The following SSBP2 variants were observed in gnomAD, a reference collection of about 807,000 sequenced individuals.
The protein encoded by SSBP2 is single stranded DNA binding protein 2.
A neutral mutation model predicts 61.8 loss-of-function variants in SSBP2; 17 were observed. The ratio of observed to expected loss-of-function variants is 0.28; its 90% CI spans 0.19 to 0.41. SSBP2 has a LOEUF of 0.41. Ranked by LOEUF, SSBP2 falls within the 10% of genes least tolerant of loss-of-function variation. The probability of loss-of-function intolerance (pLI) is 1.00; values close to 1 mark genes in which losing one functional copy is unlikely to be tolerated. For missense variants in SSBP2, 310 were observed against 458.7 expected, an observed-to-expected ratio of 0.68 and a Z score of 2.96; for synonymous variants, 139 against 141.3, an observed-to-expected ratio of 0.98 and a Z score of 0.12.
intron 1 of SSBP2, among the ~76,000 whole-genome samples, chr5:81,728,073 T>C (rs1756010255): frequency 6.6e-6 from 1 of 152,122 alleles, no homozygotes; most frequent in African/African-American, 2.4e-5. Context: ...AAAGGGAAAA[T>C]AGCAAGAGAT....
At chr5:81,638,093 G>A (rs1045283588) in intron 2 of SSBP2, among the ~76,000 whole-genome samples, 11 of 141,278 alleles carry the variant, frequency 7.8e-5, no homozygotes, top group African/African-American at 2.9e-4. Flanking sequence ...TCACACTCTG[G>A]GGACTGTTGT....
rs576423890 is a variant in SSBP2 at position 81,599,082 on chromosome 5, C to T, written c.282+16391G>A. Among the ~76,000 whole-genome samples, 38 of 152,238 alleles carry T rather than the reference C, an allele frequency of 2.5e-4. No homozygotes were observed. The South Asian group carries it at 5.0e-3, about 20-fold the overall frequency. Reference sequence around the variant, plus strand: ...TCTTAAATCATCTAAGGGCCCTGAACCCCACAGCAGAATTGGCATTTGGGG... The same window carrying T: ...TCTTAAATCATCTAAGGGCCCTGAATCCCACAGCAGAATTGGCATTTGGGG... On this transcript the variant is annotated intron_variant, in intron 4 of 16. Transcript: ENST00000320672.
chr5:81,454,214 C>A (rs1394203960), intron 10 of SSBP2, among the ~76,000 whole-genome samples: 1 of 152,116 alleles, frequency 6.6e-6, no homozygotes, highest in Non-Finnish European at 1.5e-5. Flanking sequence ...GTACTGGTAA[C>A]CCCTCCCAAC....
At chr5:81,591,971 G>C (rs1302642601) in intron 4 of SSBP2, among the ~76,000 whole-genome samples, 1 of 152,238 alleles carries the variant, frequency 6.6e-6, no homozygotes. Context: ...TCACTGGGGA[G>C]TGCCAGACAG....
chr5:81,444,558 T>C (rs974781228), intron 12 of SSBP2, among the ~76,000 whole-genome samples: 3 of 152,170 alleles, frequency 2.0e-5, no homozygotes, highest in African/African-American at 7.2e-5. Flanking sequence ...GTCTTACTCA[T>C]CTTGTGTACT....
At chr5:81,435,602 T>G (rs528700873) in intron 15 of SSBP2, among the ~76,000 whole-genome samples, 198 of 152,334 alleles carry the variant, frequency 1.3e-3, no homozygotes, top group African/African-American at 4.6e-3. Flanking sequence ...CGATCTGATA[T>G]GAGGGCAGAT....
At chr5:81,430,048 T>C (rs1762192351) in intron 15 of SSBP2, among the ~76,000 whole-genome samples, 1 of 152,200 alleles carries the variant, frequency 6.6e-6, no homozygotes, top group South Asian at 2.1e-4. Context: ...AACTATACTT[T>C]GAAATGAATC....
intron 10 of SSBP2, among the ~76,000 whole-genome samples, chr5:81,450,123 T>C (rs1021768798): frequency 6.6e-6 from 1 of 152,160 alleles, no homozygotes; most frequent in Non-Finnish European, 1.5e-5. Flanking sequence ...CTCGACCTCC[T>C]GGGCTCAAGC....
intron 5 of SSBP2, 124 bp downstream of exon 5, chr5:81,513,504 G>C (rs1768777764): frequency 1.7e-6 from 1 of 596,562 alleles, no homozygotes; most frequent in African/African-American, 1.9e-5. Context: ...GAATAATCAA[G>C]AGTTGGCTAC....
intron 7 of SSBP2, 65 bp downstream of exon 7, chr5:81,474,420 ACAATTTTCCTT>A: frequency 7.7e-7 from 1 of 1,298,616 alleles, no homozygotes; most frequent in Non-Finnish European, 1.1e-6. Flanking sequence ...TTATACAAAT[ACAATTTTCCTT>A]AAGAGATAAA....
At chr5:81,547,414 T>A (rs1441994836) in intron 4 of SSBP2, among the ~76,000 whole-genome samples, 2 of 152,168 alleles carry the variant, frequency 1.3e-5, no homozygotes, top group African/African-American at 4.8e-5. Flanking sequence ...CAACGGAATA[T>A]TATTCAGTGC....
At chr5:81,697,060 T>C (rs1320134725) in intron 1 of SSBP2, among the ~76,000 whole-genome samples, 1 of 152,214 alleles carries the variant, frequency 6.6e-6, no homozygotes, top group African/African-American at 2.4e-5. Context: ...GTACCTTCTT[T>C]ATCCTTCAAG....
intron 4 of SSBP2, among the ~76,000 whole-genome samples, chr5:81,585,582 T>C (rs571863960): frequency 1.3e-3 from 205 of 152,204 alleles, no homozygotes; most frequent in African/African-American, 4.7e-3. Flanking sequence ...GTTTACAGCA[T>C]ATTTTCATAA....
intron 6 of SSBP2, among the ~76,000 whole-genome samples, chr5:81,482,798 C>G (rs1332271694): frequency 2.6e-5 from 4 of 152,188 alleles, no homozygotes; most frequent in Non-Finnish European, 4.4e-5. Flanking sequence ...CTTTCAAGAA[C>G]TTTTCCTTTG....
intron 6 of SSBP2, among the ~76,000 whole-genome samples, chr5:81,482,079 C>A (rs1766032831): frequency 1.3e-5 from 2 of 151,926 alleles, no homozygotes. Context: ...GTAGCTGGGA[C>A]TACAGATGTG....
chr5:81,725,758 G>C (rs1200804524), intron 1 of SSBP2, among the ~76,000 whole-genome samples: 1 of 152,152 alleles, frequency 6.6e-6, no homozygotes, highest in African/African-American at 2.4e-5. Context: ...AAAAGTCTCA[G>C]ATTTGCTTCA....
At chr5:81,525,778 A>C (rs969143338) in intron 4 of SSBP2, among the ~76,000 whole-genome samples, 2 of 151,990 alleles carry the variant, frequency 1.3e-5, no homozygotes, top group Non-Finnish European at 2.9e-5. Flanking sequence ...AGGCAGATCT[A>C]CTTCCTGCCA....
At chr5:81,474,362 G>T in intron 7 of SSBP2, 134 bp downstream of exon 7, 2 of 672,614 alleles carry the variant, frequency 3.0e-6, no homozygotes. Context: ...AAATCATTTG[G>T]CTATGTTACT....
chr5:81,740,562 T>G (rs904316531), intron 1 of SSBP2, among the ~76,000 whole-genome samples: 2 of 152,168 alleles, frequency 1.3e-5, no homozygotes, highest in Non-Finnish European at 2.9e-5. Flanking sequence ...GCTTCTCAGG[T>G]GCCCTTGTCC....
Sources: gnomAD v4.1 joint callset for allele counts (sites outside exome capture counted in the v4.1 genomes callset) on GRCh38, gnomAD v4.1.1 for gene constraint, MANE v1.5 for transcripts, NCBI Gene and HGNC (gene_info 2026-07-23, HGNC 2026-07-21) for gene names.